GRIA2: variants seen among roughly 807,000 people sequenced by gnomAD.
GRIA2 encodes the protein glutamate receptor 2.
GRIA2 carries 14 observed loss-of-function variants against 97.3 expected under a neutral mutation model. The observed-to-expected ratio is 0.14, with a 90% CI of 0.10 to 0.23. The LOEUF is 0.23. GRIA2 is among the 10% of genes least tolerant of loss of function. The pLI, the probability that GRIA2 is intolerant of heterozygous loss-of-function variation, is 1.00. For missense variants in GRIA2, 558 were observed against 1,069.8 expected, an observed-to-expected ratio of 0.52 and a Z score of 6.67; for synonymous variants, 412 against 387.8, an observed-to-expected ratio of 1.06 and a Z score of -0.73.
intron 2 of GRIA2, among the ~76,000 whole-genome samples, chr4:157,276,914 T>C (rs1233364316): frequency 1.3e-5 from 2 of 151,908 alleles, no homozygotes; most frequent in African/African-American, 4.8e-5. Context: ...ATTAAGTCAA[T>C]AATTAATAAT....
intron 4 of GRIA2, among the ~76,000 whole-genome samples, chr4:157,317,102 C>T (rs964590221): frequency 2.0e-5 from 3 of 152,194 alleles, no homozygotes; most frequent in African/African-American, 4.8e-5. Context: ...AAATTATAAA[C>T]ATTTCACGGT....
chr4:157,300,692 G>A (rs972570789), intron 2 of GRIA2, among the ~76,000 whole-genome samples: 1 of 152,166 alleles, frequency 6.6e-6, no homozygotes, highest in Non-Finnish European at 1.5e-5. Flanking sequence ...AGAGTCAGGA[G>A]AGAAGAGCTA....
In GRIA2 at chr4:157,336,614, G is replaced by A. The variant is rs867868980; in HGVS notation, c.1711G>A (p.Glu571Lys). 1.9e-6 allele frequency: 3 copies of A among 1,613,416 alleles called. No individual in the cohort carries two copies. Among genetic ancestry groups the A allele is most frequent in the African/African-American group, 1.3e-5 (1 of 74,988 alleles). The change falls in exon 11 of 16, where the codon GAG becomes AAG. Residue 571 changes from glutamate (E) to lysine (K), a missense_variant. By Grantham distance (56) the Glu-to-Lys change is moderately conservative. Around this residue, in one of 8 missense-constraint regions of GRIA2, gnomAD observed 125 missense variants for 310.2 expected, o/e 0.40. Transcript: ENST00000264426. ...LFLVSRFSPY[E>K]WHTEEFEDGR... Reference sequence around the variant, plus strand: ...CCTGGTCAGCAGATTTAGCCCCTACGAGTGGCACACTGAGGAGTTTGAAGA... The same window carrying A: ...CCTGGTCAGCAGATTTAGCCCCTACAAGTGGCACACTGAGGAGTTTGAAGA...
At chr4:157,362,005 C>T (rs1458487085) in intron 14 of GRIA2, among the ~76,000 whole-genome samples, 1 of 151,920 alleles carries the variant, frequency 6.6e-6, no homozygotes, top group African/African-American at 2.4e-5. Flanking sequence ...GTGTGTTTTC[C>T]TTGTCTGTTT....
intron 8 of GRIA2, 85 bp from the exon 9 acceptor site, chr4:157,333,925 T>C (rs1340608647): frequency 1.4e-6 from 1 of 707,046 alleles, no homozygotes. Flanking sequence ...AATTTCAGAT[T>C]CAGACATGGC....
At chr4:157,302,920 G>A (rs1182913185) in intron 2 of GRIA2, among the ~76,000 whole-genome samples, 1 of 152,178 alleles carries the variant, frequency 6.6e-6, no homozygotes, top group Non-Finnish European at 1.5e-5. Context: ...AATATGTAGT[G>A]TAACATATAG....
intron 6 of GRIA2, among the ~76,000 whole-genome samples, chr4:157,323,104 G>A (rs1269230719): frequency 6.6e-6 from 1 of 151,950 alleles, no homozygotes; most frequent in Non-Finnish European, 1.5e-5. Flanking sequence ...GGGAGGCCGA[G>A]GTGGGCGGAT....
chr4:157,227,301 C>G (rs1729793434), intron 2 of GRIA2, among the ~76,000 whole-genome samples: 1 of 152,118 alleles, frequency 6.6e-6, no homozygotes. Flanking sequence ...ATGCCCAGAT[C>G]TCAAGTTTTC....
chr4:157,320,902 T>G lies in GRIA2; in HGVS notation c.721-536T>G, dbSNP rs545260423. ...AAATTTTTTTTTAAGATTTAATATA[T>G]TCTATAAAATTAGCTTCTGGCTGAA... On this transcript the variant is annotated intron_variant, in intron 5 of 15. Coordinates refer to ENST00000264426, the MANE Select transcript of GRIA2 (RefSeq NM_001083619.3). 2.0e-5 allele frequency among the ~76,000 whole-genome samples: 3 copies of G among 152,210 alleles called. No homozygotes were observed. In the East Asian group the frequency reaches 5.8e-4, roughly 29 times the overall value.
chr4:157,231,259 G>A (rs1209547785), intron 2 of GRIA2, among the ~76,000 whole-genome samples: 2 of 152,110 alleles, frequency 1.3e-5, no homozygotes, highest in African/African-American at 2.4e-5. Context: ...GGCCGGTCAC[G>A]AACTCCTGAT....
intron 12 of GRIA2, among the ~76,000 whole-genome samples, chr4:157,349,292 T>C (rs1251897490): frequency 6.6e-6 from 1 of 152,184 alleles, no homozygotes; most frequent in Non-Finnish European, 1.5e-5. Flanking sequence ...GGGTACTCTT[T>C]GAATTTGCAG....
At chr4:157,358,834 T>C (rs1736508495) in intron 12 of GRIA2, among the ~76,000 whole-genome samples, 1 of 152,166 alleles carries the variant, frequency 6.6e-6, no homozygotes, top group South Asian at 2.1e-4. Context: ...ACCATTTGGA[T>C]TTATATCATA....
intron 2 of GRIA2, among the ~76,000 whole-genome samples, chr4:157,230,256 T>C (rs898822227): frequency 6.8e-5 from 10 of 147,538 alleles, no homozygotes; most frequent in African/African-American, 2.5e-4. Flanking sequence ...TAAGAATATG[T>C]CAACAATTTT....
At chr4:157,355,476 C>G (rs1486658794) in intron 12 of GRIA2, among the ~76,000 whole-genome samples, 1 of 148,434 alleles carries the variant, frequency 6.7e-6, no homozygotes, top group African/African-American at 2.5e-5. Context: ...TGCAGTGAGC[C>G]GAGATCATGC....
At chr4:157,337,433 A>G (rs931306340) in intron 11 of GRIA2, among the ~76,000 whole-genome samples, 2 of 152,002 alleles carry the variant, frequency 1.3e-5, no homozygotes, top group Admixed American at 6.6e-5. Context: ...TAATGAATCT[A>G]CCACAAAGTA....
intron 2 of GRIA2, among the ~76,000 whole-genome samples, chr4:157,243,928 A>T (rs1333327550): frequency 2.0e-5 from 3 of 152,078 alleles, no homozygotes; most frequent in African/African-American, 7.2e-5. Flanking sequence ...ATAAACAAAT[A>T]GAAAAAAAAG....
intron 2 of GRIA2, among the ~76,000 whole-genome samples, chr4:157,242,219 A>G (rs1201999366): frequency 6.6e-6 from 1 of 152,134 alleles, no homozygotes; most frequent in African/African-American, 2.4e-5. Flanking sequence ...AAAGGCAGTC[A>G]GGTTAAGGCT....
rs374970753 is a variant in GRIA2 at position 157,225,851 on chromosome 4, C to T, written c.229+4044C>T. ...TAACTTTCATATTAATATATATATA[C>T]ACCACGTATTGTATGTAGTTAACTG... On this transcript the variant is annotated intron_variant, in intron 2 of 15. Transcript: ENST00000264426. Among the ~76,000 whole-genome samples, 27 of 151,932 alleles carry T rather than the reference C, an allele frequency of 1.8e-4. No homozygotes were observed. The East Asian group carries it at 4.2e-3, about 24-fold the overall frequency.
At chr4:157,308,436 T>C (rs985544372) in intron 3 of GRIA2, among the ~76,000 whole-genome samples, 4 of 152,216 alleles carry the variant, frequency 2.6e-5, no homozygotes, top group Admixed American at 2.6e-4. Flanking sequence ...ACTGTAGCAA[T>C]ATTCTTGAGG....
Sources: allele counts gnomAD v4.1 joint callset (sites outside exome capture counted in the v4.1 genomes callset), GRCh38; gene constraint gnomAD v4.1.1; regional missense constraint gnomAD v4.1.1; transcripts MANE v1.5; gene names NCBI Gene and HGNC (gene_info 2026-07-23, HGNC 2026-07-21).